Variants in ENTREP2 observed in about 807,000 individuals in gnomAD.
The protein encoded by ENTREP2 is protein ENTREP2.
the ENTREP2 span, among the ~76,000 whole-genome samples, chr15:29,524,959 C>T: frequency 2.0e-5 from 3 of 152,174 alleles, no homozygotes; most frequent in Admixed American, 1.3e-4. Flanking sequence ...TGCTCTCAGG[C>T]GATATATGAT....
the ENTREP2 span, among the ~76,000 whole-genome samples, chr15:29,156,117 G>A: frequency 6.6e-6 from 1 of 152,138 alleles, no homozygotes; most frequent in Non-Finnish European, 1.5e-5. Context: ...GATGTGTGAT[G>A]CTGGGAAAGA....
chr15:29,656,171 A>C, the ENTREP2 span, among the ~76,000 whole-genome samples: 12 of 152,150 alleles, frequency 7.9e-5, no homozygotes, highest in African/African-American at 2.2e-4. Context: ...TATAAACAAA[A>C]ATTGAGAGAA....
chr15:29,154,513 A>G, the ENTREP2 span, among the ~76,000 whole-genome samples: 1 of 152,210 alleles, frequency 6.6e-6, no homozygotes, highest in African/African-American at 2.4e-5. Flanking sequence ...CTTTTCATAT[A>G]CAAGTGTACA....
the ENTREP2 span, among the ~76,000 whole-genome samples, chr15:29,209,698 C>T: frequency 3.3e-5 from 5 of 151,986 alleles, no homozygotes; most frequent in African/African-American, 4.8e-5. Flanking sequence ...CTGGAAAGTG[C>T]GGGTCTCACA....
the ENTREP2 span, chr15:29,374,145 C>G: frequency 6.6e-6 from 1 of 151,994 alleles, no homozygotes; most frequent in Non-Finnish European, 1.5e-5. Flanking sequence ...AAAAAGAAAT[C>G]TCACACATCA....
the ENTREP2 span, among the ~76,000 whole-genome samples, chr15:29,462,959 A>G: frequency 6.6e-6 from 1 of 152,204 alleles, no homozygotes; most frequent in African/African-American, 2.4e-5. Context: ...TGATAACTCG[A>G]TCTTGTGCAC....
At chr15:29,293,852 G>A in the ENTREP2 span, among the ~76,000 whole-genome samples, 2 of 152,256 alleles carry the variant, frequency 1.3e-5, no homozygotes, top group African/African-American at 4.8e-5. Flanking sequence ...TCTAGGGAAT[G>A]GAATTCTTTG....
At chr15:29,634,896 G>T in the ENTREP2 span, among the ~76,000 whole-genome samples, 1 of 152,270 alleles carries the variant, frequency 6.6e-6, no homozygotes, top group East Asian at 1.9e-4. Flanking sequence ...AAGCTTCTAC[G>T]CCCTCCCCAG....
the ENTREP2 span, among the ~76,000 whole-genome samples, chr15:29,245,160 C>T: frequency 2.0e-5 from 3 of 152,070 alleles, no homozygotes; most frequent in East Asian, 1.9e-4. Flanking sequence ...GTCTTACATG[C>T]GGCGAGTAGC....
the ENTREP2 span, among the ~76,000 whole-genome samples, chr15:29,523,246 G>A: frequency 6.6e-6 from 1 of 152,200 alleles, no homozygotes; most frequent in East Asian, 1.9e-4. Context: ...AATGAGTTCA[G>A]CAAGGTTTCA....
chr15:29,223,264 G>T, the ENTREP2 span, among the ~76,000 whole-genome samples: 1 of 152,150 alleles, frequency 6.6e-6, no homozygotes, highest in Admixed American at 6.5e-5. Context: ...CGAGTTCCAG[G>T]TTCACTAGGC....
the ENTREP2 span, among the ~76,000 whole-genome samples, chr15:29,239,502 G>A: frequency 2.6e-5 from 4 of 152,100 alleles, no homozygotes; most frequent in African/African-American, 9.7e-5. Context: ...CTTTAATTTG[G>A]GGGGGACATA....
chr15:29,229,252 T>C, the ENTREP2 span, among the ~76,000 whole-genome samples: 869 of 152,312 alleles, frequency 5.7e-3, 10 homozygotes, highest in African/African-American at 0.019. Context: ...ACTTTTTTCA[T>C]TCTCCATGGT....
chr15:29,467,695 G>A, the ENTREP2 span, among the ~76,000 whole-genome samples: 6 of 152,116 alleles, frequency 3.9e-5, no homozygotes, highest in African/African-American at 7.2e-5. Flanking sequence ...AGGAACACAC[G>A]TTACTCTGAG....
chr15:29,351,755 C>A, the ENTREP2 span, among the ~76,000 whole-genome samples: 1 of 152,170 alleles, frequency 6.6e-6, no homozygotes, highest in South Asian at 2.1e-4. Context: ...GCAATCCTCC[C>A]ATCTCAGCCT....
the ENTREP2 span, among the ~76,000 whole-genome samples, chr15:29,565,735 A>G: frequency 1.3e-5 from 2 of 152,134 alleles, no homozygotes; most frequent in African/African-American, 2.4e-5. Context: ...AGGCTGAGGC[A>G]GGCGGATCAC....
At chr15:29,417,284 G>C in the ENTREP2 span, among the ~76,000 whole-genome samples, 2 of 152,160 alleles carry the variant, frequency 1.3e-5, no homozygotes, top group Admixed American at 6.5e-5. Flanking sequence ...AGAAAATGTG[G>C]CACATATACA....
chr15:29,269,596 C>T, the ENTREP2 span: 1 of 1,554,062 alleles, frequency 6.4e-7, no homozygotes, highest in African/African-American at 1.4e-5. Context: ...TCTGAGAACC[C>T]GGGCGTCTTC....
chr15:29,649,413 C>A, the ENTREP2 span, among the ~76,000 whole-genome samples: 1 of 151,784 alleles, frequency 6.6e-6, no homozygotes, highest in African/African-American at 2.4e-5. Context: ...AGTATTTAGC[C>A]CTAGATTCAA....
Sources: gnomAD v4.1 joint callset for allele counts (sites outside exome capture counted in the v4.1 genomes callset) on GRCh38, gnomAD v4.1.1 for gene constraint, MANE v1.5 for transcripts, NCBI Gene and HGNC (gene_info 2026-07-23, HGNC 2026-07-21) for gene names.